Variants in CDH12 observed in about 807,000 individuals in gnomAD.
CDH12 encodes cadherin 12.
Under a neutral mutation model 74.1 loss-of-function variants are expected in CDH12, and 41 were observed. The ratio of observed to expected loss-of-function variants is 0.55; its 90% CI spans 0.43 to 0.72. The LOEUF is 0.72. CDH12 is among the 30% of genes least tolerant of loss of function. The pLI is 0.00. For synonymous variants in CDH12, 399 were observed against 355.0 expected (o/e 1.12, Z -1.39); for missense variants, 945 against 977.2 (o/e 0.97, Z 0.44).
intron 1 of CDH12, among the ~76,000 whole-genome samples, chr5:22,660,535 C>G (rs981020096): frequency 6.6e-6 from 1 of 152,168 alleles, no homozygotes; most frequent in Non-Finnish European, 1.5e-5. Flanking sequence ...TCTCAGCCCC[C>G]GGAGTAGCTG....
At chr5:22,287,958 A>G (rs1354173486) in intron 3 of CDH12, among the ~76,000 whole-genome samples, 1 of 152,190 alleles carries the variant, frequency 6.6e-6, no homozygotes, top group African/African-American at 2.4e-5. Context: ...AGTTTAGCAC[A>G]CATTTGAATT....
At chr5:22,466,255 C>A (rs919086773) in intron 2 of CDH12, among the ~76,000 whole-genome samples, 1 of 152,156 alleles carries the variant, frequency 6.6e-6, no homozygotes, top group African/African-American at 2.4e-5. Flanking sequence ...TTTCTTTTCT[C>A]CTTCGGAATA....
At chr5:22,382,157 ATAC>A (rs1741785033) in intron 3 of CDH12, among the ~76,000 whole-genome samples, 1 of 145,620 alleles carries the variant, frequency 6.9e-6, no homozygotes, top group African/African-American at 2.5e-5. Flanking sequence ...TTTATAATAT[ATAC>A]TATTTTATTA....
rs1486152858 is a variant in CDH12 at position 22,487,957 on chromosome 5, T to C, written c.-428+17313A>G. On this transcript the variant is annotated intron_variant, in intron 2 of 14. Coordinates refer to ENST00000382254, the MANE Select transcript of CDH12 (RefSeq NM_004061.5). ...TTCATATAACAGGCATGTCTGATAA[T>C]ATAAATGTCAATTGGTTTTAACAAC... Among the ~76,000 whole-genome samples, 3 of 152,226 alleles carry C rather than the reference T, an allele frequency of 2.0e-5. 1 individual carries two copies. Among genetic ancestry groups the C allele is most frequent in the South Asian group, 4.1e-4 (2 of 4,836 alleles).
At chr5:22,477,459 T>C (rs1254229324) in intron 2 of CDH12, among the ~76,000 whole-genome samples, 1 of 152,230 alleles carries the variant, frequency 6.6e-6, no homozygotes, top group Non-Finnish European at 1.5e-5. Flanking sequence ...GGTGTATATG[T>C]ACCACATTTT....
intron 3 of CDH12, among the ~76,000 whole-genome samples, chr5:22,364,227 C>A (rs1386972446): frequency 6.6e-6 from 1 of 152,064 alleles, no homozygotes; most frequent in Non-Finnish European, 1.5e-5. Flanking sequence ...CAATTATAGG[C>A]AAGTGAGGTT....
Position 22,343,283 on chromosome 5 carries a change from T to TACACACACACACAC in CDH12, c.-333+61960_-333+61973dup, listed in dbSNP as rs70959717. 7.8e-4 allele frequency among the ~76,000 whole-genome samples: 72 copies of TACACACACACACAC among 92,648 alleles called. No homozygotes were observed. In the South Asian group the frequency reaches 0.014, roughly 18 times the overall value. The allele number at this position is 92,648 out of a possible 152,430, so 60.8% of individuals were successfully genotyped here. A position where few individuals can be genotyped will look rare whatever the true frequency, so the allele number is the denominator to read the frequency against. On this transcript the variant is annotated intron_variant, in intron 3 of 14. Coordinates refer to ENST00000382254, the MANE Select transcript of CDH12 (RefSeq NM_004061.5). The stretch of plus-strand genomic sequence containing the variant: ...TAAATCACAGATAAAACATAAACCC[T>TACACACACACACAC]ACACACACACACACACACACACACA...
At chr5:21,937,174 A>G (rs1755109355) in intron 6 of CDH12, among the ~76,000 whole-genome samples, 1 of 152,196 alleles carries the variant, frequency 6.6e-6, no homozygotes, top group Non-Finnish European at 1.5e-5. Context: ...GGATGATGGA[A>G]CAGGTACATA....
At chr5:22,092,777 A>T (rs1477281913) in intron 4 of CDH12, among the ~76,000 whole-genome samples, 1 of 152,202 alleles carries the variant, frequency 6.6e-6, no homozygotes, top group Non-Finnish European at 1.5e-5. Context: ...GAAAAGACTC[A>T]TCCACACAAA....
chr5:22,446,105 A>G (rs995178), intron 2 of CDH12, among the ~76,000 whole-genome samples: 70,706 of 151,750 alleles, frequency 0.47, 16,848 homozygotes, highest in Admixed American at 0.64. Context: ...AACTCTGTCA[A>G]TAGAACAATT....
chr5:22,177,790 T>TA (rs1381815058), intron 4 of CDH12, among the ~76,000 whole-genome samples: 6 of 151,876 alleles, frequency 4.0e-5, no homozygotes, highest in East Asian at 2.0e-4. Context: ...TTCTTTTCTC[T>TA]AAAAAAAATC....
At chr5:22,512,954 T>C (rs960548520) in intron 1 of CDH12, among the ~76,000 whole-genome samples, 2 of 151,762 alleles carry the variant, frequency 1.3e-5, no homozygotes, top group Non-Finnish European at 2.9e-5. Context: ...CCCAGGAGGG[T>C]TGAACCCAGG....
intron 4 of CDH12, among the ~76,000 whole-genome samples, chr5:22,140,398 T>C (rs1323870415): frequency 6.6e-6 from 1 of 152,032 alleles, no homozygotes; most frequent in Admixed American, 6.6e-5. Context: ...CACACAATAA[T>C]TTCAAACAAC....
chr5:22,059,390 T>A (rs908486486), intron 5 of CDH12, among the ~76,000 whole-genome samples: 1 of 69,764 alleles, frequency 1.4e-5, no homozygotes, highest in African/African-American at 1.5e-4. Flanking sequence ...TATCTATCTA[T>A]CTATGTATCT....
chr5:22,840,955 T>A (rs147982658), intron 1 of CDH12, among the ~76,000 whole-genome samples: 1 of 152,028 alleles, frequency 6.6e-6, no homozygotes, highest in Admixed American at 6.6e-5. Context: ...TGGACAGAGC[T>A]GCAGAAGAAC....
At chr5:22,511,219 G>C (rs546318005) in intron 1 of CDH12, among the ~76,000 whole-genome samples, 1 of 151,880 alleles carries the variant, frequency 6.6e-6, no homozygotes, top group African/African-American at 2.4e-5. Flanking sequence ...TTATGAAATA[G>C]GAAAAGCTTT....
At chr5:22,683,570 C>T (rs1741608175) in intron 1 of CDH12, among the ~76,000 whole-genome samples, 2 of 152,112 alleles carry the variant, frequency 1.3e-5, no homozygotes, top group Admixed American at 6.5e-5. Flanking sequence ...TATTTCACTG[C>T]AACACATTTT....
At chr5:21,754,309 G>A (rs1198285530) in intron 14 of CDH12, among the ~76,000 whole-genome samples, 5 of 152,050 alleles carry the variant, frequency 3.3e-5, no homozygotes, top group Non-Finnish European at 5.9e-5. Flanking sequence ...TCAAAATATA[G>A]GAATACTCCA....
At chr5:22,064,905 G>C (rs1206435095) in intron 5 of CDH12, among the ~76,000 whole-genome samples, 2 of 152,120 alleles carry the variant, frequency 1.3e-5, no homozygotes, top group African/African-American at 2.4e-5. Flanking sequence ...TGAAATACAA[G>C]AAAAATTGAG....
Sources: gnomAD v4.1 joint callset for allele counts (sites outside exome capture counted in the v4.1 genomes callset) on GRCh38, gnomAD v4.1.1 for gene constraint, MANE v1.5 for transcripts, NCBI Gene and HGNC (gene_info 2026-07-23, HGNC 2026-07-21) for gene names.